Variants in GPC6 observed in about 807,000 individuals in gnomAD.
The protein encoded by GPC6 is glypican 6, also known as glypican-6.
In GPC6, 14 loss-of-function variants were observed where a neutral mutation model predicts 55.2. That is an observed-to-expected ratio of 0.25 (90% CI 0.17 to 0.40). GPC6 has a LOEUF of 0.40. Ranked by LOEUF, GPC6 falls within the 10% of genes least tolerant of loss-of-function variation. GPC6 has a pLI of 1.00. For synonymous variants in GPC6, 278 were observed against 259.6 expected, an observed-to-expected ratio of 1.07 and a Z score of -0.68; for missense variants, 641 against 708.5, an observed-to-expected ratio of 0.90 and a Z score of 1.08.
intron 2 of GPC6, among the ~76,000 whole-genome samples, chr13:93,598,896 C>G (rs1371481358): frequency 1.1e-4 from 16 of 152,044 alleles, no homozygotes. Flanking sequence ...ATATGGTTCC[C>G]ATTTCTTTTT....
At chr13:93,475,883 T>C (rs973396112) in intron 1 of GPC6, among the ~76,000 whole-genome samples, 10 of 152,170 alleles carry the variant, frequency 6.6e-5, no homozygotes, top group African/African-American at 2.4e-4. Context: ...TGAACAAGCA[T>C]TTCTGTTGTA....
intron 2 of GPC6, among the ~76,000 whole-genome samples, chr13:93,732,259 G>A (rs1883851415): frequency 6.6e-6 from 1 of 152,046 alleles, no homozygotes. Flanking sequence ...GTTGTTCTCT[G>A]GTGGAATAAG....
At chr13:93,403,622 T>C (rs1876176232) in intron 1 of GPC6, among the ~76,000 whole-genome samples, 1 of 152,182 alleles carries the variant, frequency 6.6e-6, no homozygotes, top group Admixed American at 6.5e-5. Context: ...CACTAAACAC[T>C]GTTTCTGTCT....
chr13:93,924,049 C>T (rs976749822), intron 3 of GPC6, among the ~76,000 whole-genome samples: 14 of 152,014 alleles, frequency 9.2e-5, no homozygotes, highest in Non-Finnish European at 1.8e-4. Context: ...GCAGTGTGCC[C>T]GAGGCCTCAT....
chr13:93,862,044 G>A (rs1430179003), intron 3 of GPC6, among the ~76,000 whole-genome samples: 1 of 151,572 alleles, frequency 6.6e-6, no homozygotes, highest in African/African-American at 2.4e-5. Flanking sequence ...ATTATTCATG[G>A]AATGACGCTA....
chr13:93,228,979 A>G (rs569862115), intron 1 of GPC6, among the ~76,000 whole-genome samples: 135 of 152,338 alleles, frequency 8.9e-4, no homozygotes, highest in African/African-American at 3.2e-3. Context: ...AAGAGGCGCA[A>G]ATTACCACGC....
intron 4 of GPC6, among the ~76,000 whole-genome samples, chr13:94,122,110 C>A (rs1308841407): frequency 6.6e-6 from 1 of 151,878 alleles, no homozygotes; most frequent in Non-Finnish European, 1.5e-5. Flanking sequence ...TGTGAAAGGT[C>A]CTTCTTGCAG....
chr13:94,188,952 T>A (rs1457623514), intron 4 of GPC6, among the ~76,000 whole-genome samples: 1 of 152,164 alleles, frequency 6.6e-6, no homozygotes, highest in Non-Finnish European at 1.5e-5. Context: ...CTTCTAGTGC[T>A]GTGGAGAAGC....
chr13:93,301,307 G>A (rs1878672940), intron 1 of GPC6, among the ~76,000 whole-genome samples: 1 of 152,168 alleles, frequency 6.6e-6, no homozygotes, highest in African/African-American at 2.4e-5. Context: ...GTGATGCTTG[G>A]ATATGTGCTA....
intron 6 of GPC6, among the ~76,000 whole-genome samples, chr13:94,371,518 G>T (rs1879541384): frequency 6.6e-6 from 1 of 152,052 alleles, no homozygotes; most frequent in African/African-American, 2.4e-5. Flanking sequence ...TTTCCTTTTT[G>T]TATAAGGGTG....
At chr13:94,243,064 C>T (rs1322211534) in intron 4 of GPC6, among the ~76,000 whole-genome samples, 1 of 152,042 alleles carries the variant, frequency 6.6e-6, no homozygotes, top group Non-Finnish European at 1.5e-5. Context: ...GCTGACAGTG[C>T]CATGGCTATT....
intron 4 of GPC6, among the ~76,000 whole-genome samples, chr13:94,092,900 A>G (rs1445984974): frequency 1.3e-5 from 2 of 151,946 alleles, no homozygotes; most frequent in African/African-American, 4.8e-5. Context: ...TGTTTTATAT[A>G]CCTTTTGACC....
chr13:93,435,676 G>A (rs1255379725), intron 1 of GPC6, among the ~76,000 whole-genome samples: 4 of 152,124 alleles, frequency 2.6e-5, no homozygotes, highest in African/African-American at 9.7e-5. Flanking sequence ...AAATCTGGGG[G>A]CTTCTCAGTC....
At chr13:93,606,343 T>C (rs1415081309) in intron 2 of GPC6, among the ~76,000 whole-genome samples, 1 of 152,226 alleles carries the variant, frequency 6.6e-6, no homozygotes, top group African/African-American at 2.4e-5. Context: ...TCAAAGTCTA[T>C]CATGTGAAAG....
intron 6 of GPC6, among the ~76,000 whole-genome samples, chr13:94,351,316 G>A (rs1878532330): frequency 6.6e-6 from 1 of 152,032 alleles, no homozygotes; most frequent in Non-Finnish European, 1.5e-5. Flanking sequence ...ACACTCTCCT[G>A]CCTAATGAGA....
chr13:94,263,996 A>G (rs1050679184), intron 4 of GPC6, among the ~76,000 whole-genome samples: 4 of 152,056 alleles, frequency 2.6e-5, no homozygotes, highest in East Asian at 1.9e-4. Flanking sequence ...TGCTGCTACT[A>G]TTGTCTCCCA....
intron 1 of GPC6, among the ~76,000 whole-genome samples, chr13:93,239,209 C>T (rs1201974943): frequency 1.3e-5 from 2 of 151,906 alleles, no homozygotes; most frequent in Non-Finnish European, 2.9e-5. Context: ...CTAGCTGGTC[C>T]TGGGCTTCAT....
Position 93,324,704 on chromosome 13 carries a change from C to A in GPC6, c.160+97088C>A, listed in dbSNP as rs16948643. ...ATTTTTAAAAAGTGTGACAGTTGAGCTATGTTAAGAGGATTAAGTATTGGA... is the reference window on the plus strand; with the variant it reads ...ATTTTTAAAAAGTGTGACAGTTGAGATATGTTAAGAGGATTAAGTATTGGA... On this transcript the variant is annotated intron_variant, in intron 1 of 8. Transcript: ENST00000377047. Among the ~76,000 whole-genome samples, 532 of 151,032 alleles carry A rather than the reference C, an allele frequency of 3.5e-3. 9 individuals carry two copies. The highest frequency in any genetic ancestry group is 0.025 in the Admixed American group (385 of 15,110).
At chr13:93,522,449 T>A (rs1214913278) in intron 1 of GPC6, among the ~76,000 whole-genome samples, 2 of 152,024 alleles carry the variant, frequency 1.3e-5, no homozygotes, top group Non-Finnish European at 2.9e-5. Context: ...TTCCCATTAA[T>A]TAGCTAAATA....
Sources: gnomAD v4.1 joint callset for allele counts (sites outside exome capture counted in the v4.1 genomes callset) on GRCh38, gnomAD v4.1.1 for gene constraint, MANE v1.5 for transcripts, NCBI Gene and HGNC (gene_info 2026-07-23, HGNC 2026-07-21) for gene names.